PAK3: variants seen among roughly 807,000 people sequenced by gnomAD.
The protein encoded by PAK3 is p21 (RAC1) activated kinase 3.
A neutral mutation model predicts 41.0 loss-of-function variants in PAK3; 4 were observed. That is an observed-to-expected ratio of 0.10 (90% CI 0.05 to 0.22). PAK3 has a LOEUF of 0.22. Among genes scored for constraint, PAK3 ranks in the 10% least tolerant of loss-of-function variants. The pLI, the probability that PAK3 is intolerant of heterozygous loss-of-function variation, is 1.00. For missense variants in PAK3, 205 were observed against 409.9 expected (o/e 0.50, Z 4.32); for synonymous variants, 146 against 139.6 (o/e 1.05, Z -0.32).
chrX:111,160,935 T>C (rs1386517299), intron 8 of PAK3, among the ~76,000 whole-genome samples: 1 of 112,608 alleles, frequency 8.9e-6, no homozygotes, highest in African/African-American at 3.2e-5. Context: ...TACGTGTGCA[T>C]GTGTCTTTAT....
chrX:111,074,786 T>C (rs192987752), intron 1 of PAK3, among the ~76,000 whole-genome samples: 52 of 112,101 alleles, frequency 4.6e-4, no homozygotes, highest in African/African-American at 1.7e-3. Context: ...GTGACCAAAA[T>C]GCTGATGGAG....
chrX:111,211,674 C>CAAAAAAA (rs200390666), intron 16 of PAK3, among the ~76,000 whole-genome samples: 29 of 55,119 alleles, frequency 5.3e-4, no homozygotes, highest in African/African-American at 1.7e-3. Context: ...GACTTTGTCT[C>CAAAAAAA]AAAAAAAAAA....
chrX:111,190,981 A>G (rs1465601622), intron 11 of PAK3, among the ~76,000 whole-genome samples: 2 of 112,311 alleles, frequency 1.8e-5, no homozygotes, highest in Non-Finnish European at 3.8e-5. Flanking sequence ...ATAGAAGGTT[A>G]CTGTGAATGC....
chrX:111,107,639 C>G (rs1242617917), intron 4 of PAK3, among the ~76,000 whole-genome samples: 3 of 111,834 alleles, frequency 2.7e-5, no homozygotes, highest in African/African-American at 9.8e-5. Context: ...AAAATGAGTT[C>G]AGAATATACC....
At chrX:110,984,807 C>G (rs1281079555) in intron 1 of PAK3, among the ~76,000 whole-genome samples, 1 of 110,655 alleles carries the variant, frequency 9.0e-6, no homozygotes, top group East Asian at 2.8e-4. Flanking sequence ...TCCAACCAAT[C>G]TCTACTCTAT....
chrX:111,094,552 C>T (rs1013323360), upstream of PAK3, among the ~76,000 whole-genome samples: 53 of 110,958 alleles, frequency 4.8e-4, no homozygotes, highest in Middle Eastern at 4.7e-3. Context: ...CTTGTTTTGG[C>T]ATAGAGTGGA....
intron 1 of PAK3, among the ~76,000 whole-genome samples, chrX:111,065,317 GT>G (rs56710729): frequency 0.022 from 2,282 of 102,242 alleles, 57 homozygotes; most frequent in African/African-American, 0.075. Context: ...AGATGATCAC[GT>G]TTTTTTTTTT....
intron 8 of PAK3, among the ~76,000 whole-genome samples, chrX:111,160,532 T>C (rs1224148798): frequency 2.7e-5 from 3 of 109,663 alleles, no homozygotes; most frequent in African/African-American, 1.0e-4. Context: ...TTGTTACATA[T>C]GTATACATGT....
chrX:110,976,680 T>C (rs897588470), intron 1 of PAK3, among the ~76,000 whole-genome samples: 3 of 111,799 alleles, frequency 2.7e-5, no homozygotes, highest in African/African-American at 9.8e-5. Context: ...TGTGGCACTG[T>C]TCACAATAGC....
At chrX:111,118,767 G>A (rs2093514703) in intron 4 of PAK3, among the ~76,000 whole-genome samples, 1 of 111,502 alleles carries the variant, frequency 9.0e-6, no homozygotes, top group South Asian at 3.7e-4. Flanking sequence ...AAATAGTTAT[G>A]TCTAAATATG....
chrX:111,129,122 C>T (rs2093685738), intron 5 of PAK3, among the ~76,000 whole-genome samples: 1 of 111,640 alleles, frequency 9.0e-6, no homozygotes, highest in African/African-American at 3.3e-5. Context: ...CCTTTATGGT[C>T]TTGTCAATCA....
rs1391541296 is a variant in PAK3, at chrX:111,049,440, A to G, written c.-27-73637A>G. On this transcript the variant is annotated intron_variant, in intron 1 of 14. Coordinates refer to the PAK3 transcript ENST00000425146. Reference sequence around the variant, plus strand: ...TGGAACAGTGCCTGGTATGTAGTAGACACACAATAAATATATATTGAGTGA... The same window carrying G: ...TGGAACAGTGCCTGGTATGTAGTAGGCACACAATAAATATATATTGAGTGA... Among the ~76,000 whole-genome samples, 4 of 112,221 alleles carry G rather than the reference A, an allele frequency of 3.6e-5. No individual in the cohort carries two copies. In the Admixed American group the frequency reaches 3.8e-4, roughly 11 times the overall value.
At chrX:111,119,570 G>T (rs765632166) in intron 4 of PAK3, among the ~76,000 whole-genome samples, 1 of 111,542 alleles carries the variant, frequency 9.0e-6, no homozygotes, top group African/African-American at 3.3e-5. Context: ...GCCTACAGCC[G>T]CCCAAAATAA....
chrX:111,150,693 G>A (rs138490021), intron 7 of PAK3, among the ~76,000 whole-genome samples: 17,232 of 111,192 alleles, frequency 0.15, 2,791 homozygotes, highest in African/African-American at 0.49. Context: ...CCCTCCCACA[G>A]CACGTGGGAA....
chrX:111,204,492 G>A (rs1045513661), intron 16 of PAK3, among the ~76,000 whole-genome samples: 4 of 111,257 alleles, frequency 3.6e-5, no homozygotes, highest in African/African-American at 6.5e-5. Flanking sequence ...CGGCATTTGC[G>A]CACTGAAATG....
intron 1 of PAK3, among the ~76,000 whole-genome samples, chrX:111,062,715 ACCTG>A (rs2092667445): frequency 9.0e-6 from 1 of 111,355 alleles, no homozygotes; most frequent in Non-Finnish European, 1.9e-5. Flanking sequence ...TTGCCTGCCC[ACCTG>A]CCTGCCTGCC....
intron 1 of PAK3, among the ~76,000 whole-genome samples, chrX:111,056,773 G>C (rs763442607): frequency 5.4e-5 from 6 of 111,554 alleles, no homozygotes; most frequent in Non-Finnish European, 1.1e-4. Flanking sequence ...CATTTAAGTT[G>C]TTTCCAATGT....
At chrX:110,973,677 G>A (rs771891422) in intron 1 of PAK3, among the ~76,000 whole-genome samples, 8 of 111,762 alleles carry the variant, frequency 7.2e-5, no homozygotes, top group East Asian at 2.8e-4. Flanking sequence ...AATAACCAGC[G>A]AACATCATAA....
At chrX:111,049,762 T>C (rs1414789481) in intron 1 of PAK3, among the ~76,000 whole-genome samples, 2 of 112,246 alleles carry the variant, frequency 1.8e-5, no homozygotes, top group Non-Finnish European at 3.8e-5. Flanking sequence ...ACTTGGTGTA[T>C]AGGAGTAGAA....
Sources: gnomAD v4.1 joint callset for allele counts (sites outside exome capture counted in the v4.1 genomes callset) on GRCh38, gnomAD v4.1.1 for gene constraint, MANE v1.5 for transcripts, NCBI Gene and HGNC (gene_info 2026-07-23, HGNC 2026-07-21) for gene names.